The following NAALADL2 variants were observed in gnomAD, a reference collection of about 807,000 sequenced individuals.
The protein encoded by NAALADL2 is inactive N-acetylated-alpha-linked acidic dipeptidase-like protein 2.
A neutral mutation model predicts 87.2 loss-of-function variants in NAALADL2; 76 were observed. The ratio of observed to expected loss-of-function variants is 0.87; its 90% CI spans 0.72 to 1.05. NAALADL2 has a LOEUF of 1.05. Among genes scored for constraint, NAALADL2 ranks in the 50% least tolerant of loss-of-function variants. NAALADL2 has a pLI of 0.00. For synonymous variants in NAALADL2, 354 were observed against 331.0 expected, an observed-to-expected ratio of 1.07 and a Z score of -0.75; for missense variants, 1,089 against 945.8, an observed-to-expected ratio of 1.15 and a Z score of -1.99.
intron 2 of NAALADL2, among the ~76,000 whole-genome samples, chr3:175,229,342 A>G (rs1744606565): frequency 6.6e-6 from 1 of 152,040 alleles, no homozygotes. Flanking sequence ...AGAGTTTAGC[A>G]GGTTTTCTTT....
chr3:175,243,182 G>A (rs191639145), intron 3 of NAALADL2, among the ~76,000 whole-genome samples: 1 of 149,648 alleles, frequency 6.7e-6, no homozygotes, highest in African/African-American at 2.5e-5. Flanking sequence ...GCTATTATCT[G>A]CTTTTAGAGA....
intron 1 of NAALADL2, among the ~76,000 whole-genome samples, chr3:175,040,634 T>C (rs182394149): frequency 6.6e-6 from 1 of 152,312 alleles, no homozygotes; most frequent in East Asian, 1.9e-4. Context: ...TAACCTTTTT[T>C]CCATCTACGA....
chr3:175,788,060 C>T (rs955219305), intron 13 of NAALADL2, among the ~76,000 whole-genome samples: 2 of 150,434 alleles, frequency 1.3e-5, no homozygotes. Context: ...ATGGTAAGTG[C>T]CTTACACAGG....
At chr3:175,698,473 G>GTATATATTTATA (rs1315132432) in intron 11 of NAALADL2, among the ~76,000 whole-genome samples, 1 of 82,092 alleles carries the variant, frequency 1.2e-5, no homozygotes, top group African/African-American at 9.4e-5. Flanking sequence ...ATATATGTGT[G>GTATATATTTATA]TATATATATT....
rs114946422 is a variant in NAALADL2, at chr3:174,495,367, C to G, written c.-184+54335C>G. On this transcript the variant is annotated intron_variant, in intron 1 of 3. Coordinates refer to the NAALADL2 transcript ENST00000434257. ...ATGATTTGTTAGACGGCTTATATAC[C>G]AGTTCAATTCAGTTCAAAAAACATT... Among the ~76,000 whole-genome samples, 1,066 of 151,798 alleles carry G rather than the reference C, an allele frequency of 7.0e-3. 14 individuals are homozygous for G. Among genetic ancestry groups the G allele is most frequent in the African/African-American group, 0.025 (1,027 of 41,374 alleles).
At chr3:175,080,662 C>T (rs1717623938) in intron 1 of NAALADL2, among the ~76,000 whole-genome samples, 1 of 152,098 alleles carries the variant, frequency 6.6e-6, no homozygotes, top group Admixed American at 6.5e-5. Context: ...CACACTGAAA[C>T]ATTTGTATCA....
chr3:174,664,677 C>T (rs756652831), intron 2 of NAALADL2, among the ~76,000 whole-genome samples: 7 of 152,150 alleles, frequency 4.6e-5, no homozygotes, highest in Non-Finnish European at 1.0e-4. Flanking sequence ...ATGGTCTGAA[C>T]ATTTAGTTTC....
rs559905326 is a variant in NAALADL2, at chr3:175,735,319, C to T, written c.1897-1987C>T. Among the ~76,000 whole-genome samples the T allele has an allele frequency of 6.6e-5, 10 of 152,336 alleles. No homozygotes were observed. The East Asian group carries it at 9.7e-4, about 15-fold the overall frequency. On this transcript the variant is annotated intron_variant, in intron 11 of 13. Transcript: ENST00000454872. The stretch of plus-strand genomic sequence containing the variant: ...CAACAAATCTCTATGGAGTTGCAAA[C>T]TTTCCCACATTTCCCTGTCTTTTTC...
chr3:175,487,664 C>T lies in NAALADL2; in HGVS notation c.1653+15906C>T, dbSNP rs192705511. ...TTTTGCCCCTTTCTGGAGTCCAATCCACATATCATTATAAGTTTTCAGAAT... is the reference window on the plus strand; with the variant it reads ...TTTTGCCCCTTTCTGGAGTCCAATCTACATATCATTATAAGTTTTCAGAAT... On this transcript the variant is annotated intron_variant, in intron 9 of 13. Transcript: ENST00000454872. 518 of 364,330 alleles carry T rather than the reference C, an allele frequency of 1.4e-3. 2 individuals are homozygous for T. In the Middle Eastern group the frequency reaches 0.019, roughly 13 times the overall value. The allele number at this position is 364,330 out of a possible 1,614,324, so 22.6% of individuals were successfully genotyped here. A position where few individuals can be genotyped will look rare whatever the true frequency, so the allele number is the denominator to read the frequency against.
chr3:174,925,963 A>C (rs1312177980), intron 1 of NAALADL2, among the ~76,000 whole-genome samples: 1 of 152,206 alleles, frequency 6.6e-6, no homozygotes. Context: ...CCTTGAAAAA[A>C]GATTAGACAA....
intron 2 of NAALADL2, among the ~76,000 whole-genome samples, chr3:174,707,451 G>A (rs1269225155): frequency 6.6e-6 from 1 of 152,064 alleles, no homozygotes; most frequent in Non-Finnish European, 1.5e-5. Flanking sequence ...ATACACCATG[G>A]AATACTATGC....
chr3:175,699,381 C>T lies in NAALADL2; in HGVS notation c.1897-37925C>T, dbSNP rs149518365. The stretch of plus-strand genomic sequence containing the variant: ...TAAGAATAAAGAACTATGCTGTTTT[C>T]TTGAGTAGTCCTCTGTCTTAAGTTT... On this transcript the variant is annotated intron_variant, in intron 11 of 13. Coordinates refer to ENST00000454872, the MANE Select transcript of NAALADL2 (RefSeq NM_207015.3). Among the ~76,000 whole-genome samples the T allele has an allele frequency of 7.3e-3, 1,115 of 152,078 alleles. 39 individuals are homozygous for T. The highest frequency in any genetic ancestry group is 0.06 in the Admixed American group (913 of 15,234).
intron 1 of NAALADL2, among the ~76,000 whole-genome samples, chr3:175,075,162 T>A (rs919606118): frequency 2.0e-5 from 3 of 152,026 alleles, no homozygotes; most frequent in African/African-American, 7.3e-5. Flanking sequence ...AATTTCAGAG[T>A]GGCTAAGCAA....
At chr3:175,267,236 T>G (rs1389359229) in intron 4 of NAALADL2, among the ~76,000 whole-genome samples, 1 of 152,070 alleles carries the variant, frequency 6.6e-6, no homozygotes, top group African/African-American at 2.4e-5. Flanking sequence ...GAAAATCTTA[T>G]TATGAATCAC....
chr3:175,753,181 A>G (rs1746822713), intron 12 of NAALADL2, among the ~76,000 whole-genome samples: 1 of 152,118 alleles, frequency 6.6e-6, no homozygotes, highest in Admixed American at 6.6e-5. Context: ...TTTTATTCTT[A>G]CTGTTAATTT....
intron 11 of NAALADL2, among the ~76,000 whole-genome samples, chr3:175,651,953 A>C (rs562725158): frequency 1.3e-5 from 2 of 152,324 alleles, no homozygotes; most frequent in East Asian, 3.9e-4. Flanking sequence ...GAATTTGCTC[A>C]TGTTCAGAGC....
chr3:175,786,532 C>A (rs1394768389), intron 13 of NAALADL2, among the ~76,000 whole-genome samples: 1 of 152,096 alleles, frequency 6.6e-6, no homozygotes. Context: ...AGTTCTCGAG[C>A]CTTGGTTTTC....
chr3:175,449,972 G>C (rs1426739107), intron 6 of NAALADL2, among the ~76,000 whole-genome samples: 1 of 152,090 alleles, frequency 6.6e-6, no homozygotes, highest in African/African-American at 2.4e-5. Context: ...GTTATAATGA[G>C]TTATTTATTT....
At chr3:174,606,349 G>C (rs981130161) in intron 2 of NAALADL2, among the ~76,000 whole-genome samples, 2 of 152,202 alleles carry the variant, frequency 1.3e-5, no homozygotes, top group East Asian at 3.9e-4. Flanking sequence ...AGAGAAGAAG[G>C]CTTCAGACGA....
Sources: gnomAD v4.1 joint callset for allele counts (sites outside exome capture counted in the v4.1 genomes callset) on GRCh38, gnomAD v4.1.1 for gene constraint, MANE v1.5 for transcripts, NCBI Gene and HGNC (gene_info 2026-07-23, HGNC 2026-07-21) for gene names.